RPS6KC1: variants seen among roughly 807,000 people sequenced by gnomAD.
RPS6KC1 encodes ribosomal protein S6 kinase C1.
A neutral mutation model predicts 103.8 loss-of-function variants in RPS6KC1; 54 were observed. The observed-to-expected ratio is 0.52, with a 90% CI of 0.42 to 0.65. The LOEUF (loss-of-function observed/expected upper bound fraction) is 0.65, where lower values mean the gene tolerates loss of function less well. Ranked by LOEUF, RPS6KC1 falls within the 30% of genes least tolerant of loss-of-function variation. RPS6KC1 has a pLI of 0.00. For missense variants in RPS6KC1, 1,151 were observed against 1,253.8 expected, an observed-to-expected ratio of 0.92 and a Z score of 1.24; for synonymous variants, 439 against 438.7, an observed-to-expected ratio of 1.00 and a Z score of -0.01.
rs772430840 is a variant in RPS6KC1 at position 213,241,053 on chromosome 1, C to T, written c.1577C>T (p.Pro526Leu). The change falls in exon 11 of 15, where the codon CCA becomes CTA. Residue 526 changes from proline (P) to leucine (L), a missense_variant. Pro to Leu is a moderately conservative substitution (Grantham distance 98). This residue lies in a region of RPS6KC1 where 959 missense variants were observed against 1,006.3 expected (regional missense o/e 0.95). Transcript: ENST00000366960. ...CNEYGQEKIE[P>L]GSLNEEPFMK... ...GAATATGGGCAAGAAAAGATTGAAC[C>T]AGGGTCTTTGAATGAGGAGCCCTTC... The T allele has an allele frequency of 2.5e-6, 4 of 1,613,404 alleles. No homozygotes were observed. Among genetic ancestry groups the T allele is most frequent in the Non-Finnish European group, 3.4e-6 (4 of 1,179,898 alleles).
At chr1:213,233,269 A>C (rs2094146015) in intron 10 of RPS6KC1, among the ~76,000 whole-genome samples, 1 of 152,190 alleles carries the variant, frequency 6.6e-6, no homozygotes, top group African/African-American at 2.4e-5. Context: ...GTGGTCTCTC[A>C]GGTATTAAGA....
chr1:213,688,969 G>A, the RPS6KC1 span, among the ~76,000 whole-genome samples: 8 of 152,168 alleles, frequency 5.3e-5, no homozygotes, highest in African/African-American at 1.9e-4. Flanking sequence ...TTCACGTTGT[G>A]GGAGAGAGAA....
At chr1:213,659,084 C>T in the RPS6KC1 span, among the ~76,000 whole-genome samples, 1 of 152,076 alleles carries the variant, frequency 6.6e-6, no homozygotes, top group Non-Finnish European at 1.5e-5. Flanking sequence ...CCTGTCACAG[C>T]CTCTCAAGTA....
At chr1:213,214,941 A>G (rs575531564) in intron 8 of RPS6KC1, among the ~76,000 whole-genome samples, 24 of 152,284 alleles carry the variant, frequency 1.6e-4, no homozygotes, top group African/African-American at 5.3e-4. Context: ...ACAGAACATA[A>G]AAAACTGAAA....
chr1:213,841,710 A>G, the RPS6KC1 span, among the ~76,000 whole-genome samples: 1 of 152,174 alleles, frequency 6.6e-6, no homozygotes, highest in South Asian at 2.1e-4. Flanking sequence ...ATTTTTAAGG[A>G]AACAGTTTCT....
the RPS6KC1 span, among the ~76,000 whole-genome samples, chr1:213,719,273 T>C: frequency 1.3e-5 from 2 of 152,248 alleles, no homozygotes; most frequent in South Asian, 2.1e-4. Flanking sequence ...ATTCATTTAA[T>C]GAGTGCCTAC....
the RPS6KC1 span, among the ~76,000 whole-genome samples, chr1:213,346,612 G>T: frequency 1.3e-5 from 2 of 152,000 alleles, no homozygotes; most frequent in South Asian, 2.1e-4. Flanking sequence ...TTATATTCAG[G>T]CTGGTTTGTT....
the RPS6KC1 span, among the ~76,000 whole-genome samples, chr1:213,711,566 G>T: frequency 6.6e-6 from 1 of 152,068 alleles, no homozygotes; most frequent in African/African-American, 2.4e-5. Flanking sequence ...GCAAGGAGTT[G>T]TGATCCTTTG....
At chr1:213,792,802 G>A in the RPS6KC1 span, among the ~76,000 whole-genome samples, 1 of 151,992 alleles carries the variant, frequency 6.6e-6, no homozygotes, top group Admixed American at 6.6e-5. Flanking sequence ...AGGTTCATTT[G>A]GGACTGACTT....
the RPS6KC1 span, among the ~76,000 whole-genome samples, chr1:213,508,412 C>A: frequency 1.3e-5 from 2 of 152,140 alleles, no homozygotes; most frequent in African/African-American, 4.8e-5. Context: ...GCATCTTGAA[C>A]CTTTATTAGC....
At chr1:213,054,872 A>T (rs576268004) in intron 1 of RPS6KC1, among the ~76,000 whole-genome samples, 85 of 152,258 alleles carry the variant, frequency 5.6e-4, no homozygotes, top group South Asian at 1.0e-3. Context: ...TTGATTCTTT[A>T]GTTGAAGGAG....
chr1:213,061,722 A>G (rs1300759424), intron 1 of RPS6KC1, among the ~76,000 whole-genome samples: 1 of 152,102 alleles, frequency 6.6e-6, no homozygotes, highest in Non-Finnish European at 1.5e-5. Context: ...TGGTATACCT[A>G]ATCACCACAA....
At chr1:213,797,875 A>G in the RPS6KC1 span, among the ~76,000 whole-genome samples, 3 of 152,228 alleles carry the variant, frequency 2.0e-5, no homozygotes, top group Non-Finnish European at 2.9e-5. Flanking sequence ...TCAGAACACA[A>G]GAAAGGCTGA....
At chr1:213,220,912 C>A (rs1362106748) in intron 8 of RPS6KC1, among the ~76,000 whole-genome samples, 1 of 152,034 alleles carries the variant, frequency 6.6e-6, no homozygotes, top group South Asian at 2.1e-4. Flanking sequence ...GTGATCATTA[C>A]CTTAAATATA....
chr1:213,250,600 G>A (rs1030190823), intron 12 of RPS6KC1, among the ~76,000 whole-genome samples: 17 of 152,174 alleles, frequency 1.1e-4, no homozygotes, highest in Admixed American at 9.8e-4. Flanking sequence ...AGACTATAGG[G>A]AAGTTTCTTC....
At chr1:213,784,047 C>T in the RPS6KC1 span, among the ~76,000 whole-genome samples, 25 of 152,308 alleles carry the variant, frequency 1.6e-4, no homozygotes, top group Admixed American at 7.8e-4. Context: ...GAGGAAGCTG[C>T]TGCTATCATG....
chr1:213,661,180 A>G, the RPS6KC1 span, among the ~76,000 whole-genome samples: 14 of 152,174 alleles, frequency 9.2e-5, no homozygotes, highest in African/African-American at 3.4e-4. Context: ...TTTGCCAGAC[A>G]TGCAGCCTTT....
the RPS6KC1 span, among the ~76,000 whole-genome samples, chr1:213,517,000 C>A: frequency 1.2e-4 from 18 of 152,142 alleles, no homozygotes; most frequent in African/African-American, 4.1e-4. Flanking sequence ...TCTAGATTTT[C>A]TAGTTTATTT....
the RPS6KC1 span, among the ~76,000 whole-genome samples, chr1:213,516,186 T>G: frequency 1.7e-4 from 26 of 152,188 alleles, no homozygotes; most frequent in African/African-American, 6.0e-4. Context: ...CAGGGACAAT[T>G]TGACTTCCTC....
Sources: allele counts gnomAD v4.1 joint callset (sites outside exome capture counted in the v4.1 genomes callset), GRCh38; gene constraint gnomAD v4.1.1; regional missense constraint gnomAD v4.1.1; transcripts MANE v1.5; gene names NCBI Gene and HGNC (gene_info 2026-07-23, HGNC 2026-07-21).